The following CCDC85A variants were observed in gnomAD, a reference collection of about 807,000 sequenced individuals.
The protein encoded by CCDC85A is coiled-coil domain-containing protein 85A.
In CCDC85A, 38 loss-of-function variants were observed where a neutral mutation model predicts 50.2. The observed-to-expected ratio is 0.76, with a 90% CI of 0.58 to 0.99. CCDC85A has a LOEUF of 0.99. Ranked by LOEUF, CCDC85A falls within the 50% of genes least tolerant of loss-of-function variation. The pLI is 0.00. For missense variants in CCDC85A, 820 were observed against 742.0 expected, an observed-to-expected ratio of 1.11 and a Z score of -1.22; for synonymous variants, 366 against 301.4, an observed-to-expected ratio of 1.21 and a Z score of -2.22.
intron 2 of CCDC85A, among the ~76,000 whole-genome samples, chr2:56,295,935 A>G (rs1219691305): frequency 1.3e-5 from 2 of 152,232 alleles, no homozygotes; most frequent in Non-Finnish European, 2.9e-5. Context: ...TCTAGCTGAC[A>G]GGTTTTTCTA....
chr2:56,325,222 T>C (rs1354984451), intron 2 of CCDC85A, among the ~76,000 whole-genome samples: 2 of 152,194 alleles, frequency 1.3e-5, no homozygotes, highest in Non-Finnish European at 1.5e-5. Flanking sequence ...AATTTAAAAT[T>C]TCCTTTTGGT....
rs1416535239 is a variant in CCDC85A, at chr2:56,184,277, G to A, written c.-348G>A. 5 of 821,344 alleles carry A rather than the reference G, an allele frequency of 6.1e-6. No individual in the cohort carries two copies. The highest frequency in any genetic ancestry group is 3.6e-5 in the African/African-American group (2 of 55,044). 50.9% of individuals were successfully genotyped at this position (821,344 alleles called of 1,614,324 possible). On this transcript the variant is annotated 5_prime_UTR_variant, in exon 1 of 6. Coordinates refer to ENST00000407595, the MANE Select transcript of CCDC85A (RefSeq NM_001080433.2). Reference sequence around the variant, plus strand: ...GTCTCGGCTTAGGGCGGAGGAGAGGGCAGGGGAACGGCGGTGCAGCTCCCC... The same window carrying A: ...GTCTCGGCTTAGGGCGGAGGAGAGGACAGGGGAACGGCGGTGCAGCTCCCC...
chr2:56,243,364 C>T (rs1319847061), intron 2 of CCDC85A, among the ~76,000 whole-genome samples: 2 of 151,964 alleles, frequency 1.3e-5, no homozygotes, highest in African/African-American at 4.8e-5. Flanking sequence ...TTCAAATAGC[C>T]TGTCTTCCAG....
chr2:56,313,897 T>G (rs866978523), intron 2 of CCDC85A, among the ~76,000 whole-genome samples: 1 of 149,192 alleles, frequency 6.7e-6, no homozygotes, highest in Admixed American at 6.6e-5. Flanking sequence ...TAGTCAGGGC[T>G]GGGCCTGGCC....
chr2:56,315,017 C>G (rs1216101201), intron 2 of CCDC85A, among the ~76,000 whole-genome samples: 1 of 152,128 alleles, frequency 6.6e-6, no homozygotes, highest in Non-Finnish European at 1.5e-5. Context: ...CTTCTATTGC[C>G]TTACTAGAAG....
At chr2:56,375,531 G>A (rs911028594) in intron 4 of CCDC85A, among the ~76,000 whole-genome samples, 1 of 152,094 alleles carries the variant, frequency 6.6e-6, no homozygotes, top group Non-Finnish European at 1.5e-5. Context: ...GTATCTTTGA[G>A]TTTCAAAAAT....
chr2:56,217,531 T>A (rs1056143869), intron 2 of CCDC85A, among the ~76,000 whole-genome samples: 3 of 151,954 alleles, frequency 2.0e-5, no homozygotes, highest in Non-Finnish European at 2.9e-5. Context: ...TTTGGTGCTT[T>A]AAAATGAATG....
chr2:56,276,082 G>A (rs1670923807), intron 2 of CCDC85A, among the ~76,000 whole-genome samples: 2 of 152,140 alleles, frequency 1.3e-5, no homozygotes, highest in Admixed American at 1.3e-4. Flanking sequence ...AGCTTTGAGG[G>A]AATTTTACAT....
chr2:56,316,385 A>G (rs1672922301), intron 2 of CCDC85A, among the ~76,000 whole-genome samples: 1 of 152,104 alleles, frequency 6.6e-6, no homozygotes, highest in Non-Finnish European at 1.5e-5. Flanking sequence ...GTTCTGTTTT[A>G]TACTGGGTCT....
chr2:56,319,532 T>G (rs1452073738), intron 2 of CCDC85A, among the ~76,000 whole-genome samples: 1 of 152,106 alleles, frequency 6.6e-6, no homozygotes, highest in Admixed American at 6.6e-5. Flanking sequence ...TTCGCACTCT[T>G]TTTCGATGCT....
At chr2:56,374,763 C>G (rs905815062) in intron 4 of CCDC85A, among the ~76,000 whole-genome samples, 1 of 152,188 alleles carries the variant, frequency 6.6e-6, no homozygotes. Context: ...GAACAATGAT[C>G]GTGCCACTGC....
chr2:56,381,550 G>T (rs936071974), intron 5 of CCDC85A, among the ~76,000 whole-genome samples: 1 of 152,028 alleles, frequency 6.6e-6, no homozygotes, highest in Non-Finnish European at 1.5e-5. Context: ...TATATTTGAA[G>T]AAATTAAGAC....
intron 2 of CCDC85A, among the ~76,000 whole-genome samples, chr2:56,336,595 G>A (rs1674086219): frequency 6.6e-6 from 1 of 152,196 alleles, no homozygotes; most frequent in African/African-American, 2.4e-5. Context: ...ACCTTAGACA[G>A]TTGCAAATAC....
intron 2 of CCDC85A, among the ~76,000 whole-genome samples, chr2:56,214,411 C>T (rs1677309962): frequency 6.6e-6 from 1 of 151,900 alleles, no homozygotes; most frequent in African/African-American, 2.4e-5. Context: ...ATTACCCCAC[C>T]ACTTGGACAC....
intron 2 of CCDC85A, among the ~76,000 whole-genome samples, chr2:56,212,465 C>T (rs1039255006): frequency 1.3e-5 from 2 of 152,022 alleles, no homozygotes; most frequent in Middle Eastern, 3.4e-3. Flanking sequence ...GGAGAGAGGA[C>T]CCTTTGGCTT....
intron 2 of CCDC85A, among the ~76,000 whole-genome samples, chr2:56,297,555 G>T (rs1447010392): frequency 1.3e-5 from 2 of 152,176 alleles, no homozygotes; most frequent in Non-Finnish European, 2.9e-5. Flanking sequence ...GAATGATGCT[G>T]TATTTCAAGT....
intron 3 of CCDC85A, 39 bp downstream of exon 3, chr2:56,342,994 T>A (rs776534579): frequency 7.5e-7 from 1 of 1,336,558 alleles, no homozygotes; most frequent in South Asian, 1.3e-5. Context: ...GTCAGTGCCA[T>A]TTAAGTTGTA....
At chr2:56,196,850 G>A (rs1676542344) in intron 2 of CCDC85A, among the ~76,000 whole-genome samples, 1 of 149,484 alleles carries the variant, frequency 6.7e-6, no homozygotes, top group South Asian at 2.1e-4. Context: ...ACGAAGAAAT[G>A]GTACTCTTCA....
intron 2 of CCDC85A, among the ~76,000 whole-genome samples, chr2:56,264,085 C>G (rs933891042): frequency 2.0e-5 from 3 of 152,186 alleles, no homozygotes; most frequent in African/African-American, 7.2e-5. Flanking sequence ...CAAAGCTGTT[C>G]AGGGCTGCAT....
Sources: allele counts gnomAD v4.1 joint callset (sites outside exome capture counted in the v4.1 genomes callset), GRCh38; gene constraint gnomAD v4.1.1; transcripts MANE v1.5; gene names NCBI Gene and HGNC (gene_info 2026-07-23, HGNC 2026-07-21).